The following DLG2 variants were observed in gnomAD, a reference collection of about 807,000 sequenced individuals.
The protein encoded by DLG2 is discs large MAGUK scaffold protein 2.
In DLG2, 45 loss-of-function variants were observed where a neutral mutation model predicts 132.5. The ratio of observed to expected loss-of-function variants is 0.34; its 90% CI spans 0.27 to 0.44. DLG2 has a LOEUF of 0.44. Among genes scored for constraint, DLG2 ranks in the 20% least tolerant of loss-of-function variants. The probability of loss-of-function intolerance (pLI) is 1.00; values close to 1 mark genes in which losing one functional copy is unlikely to be tolerated. For synonymous variants in DLG2, 424 were observed against 419.6 expected (o/e 1.01, Z -0.13); for missense variants, 1,045 against 1,196.9 (o/e 0.87, Z 1.87).
At chr11:85,594,488 C>A (rs1268697234) in intron 3 of DLG2, among the ~76,000 whole-genome samples, 1 of 152,096 alleles carries the variant, frequency 6.6e-6, no homozygotes, top group Admixed American at 6.5e-5. Context: ...TTCCCCCTCA[C>A]ACACTGGGAA....
intron 3 of DLG2, among the ~76,000 whole-genome samples, chr11:85,481,130 G>C (rs1390281098): frequency 6.6e-6 from 1 of 152,026 alleles, no homozygotes; most frequent in African/African-American, 2.4e-5. Flanking sequence ...ATAAACTTCA[G>C]TTTTCTCATT....
intron 15 of DLG2, among the ~76,000 whole-genome samples, chr11:83,917,989 C>A (rs185065087): frequency 6.6e-6 from 1 of 152,066 alleles, no homozygotes; most frequent in African/African-American, 2.4e-5. Flanking sequence ...GTTTGCAAGT[C>A]CCCTTAGTAG....
At chr11:84,807,714 C>A (rs1221515935) in intron 6 of DLG2, among the ~76,000 whole-genome samples, 1 of 151,918 alleles carries the variant, frequency 6.6e-6, no homozygotes, top group Non-Finnish European at 1.5e-5. Context: ...TATTGTAATA[C>A]CAGATAAAGT....
chr11:83,702,578 A>G (rs672079), intron 18 of DLG2, among the ~76,000 whole-genome samples: 150,560 of 152,270 alleles, frequency 0.99, 74,439 homozygotes, highest in East Asian at 1. Context: ...GGTTTGTTTG[A>G]AGGCAGAGGA....
chr11:84,101,884 C>G (rs2092557455), intron 9 of DLG2, among the ~76,000 whole-genome samples: 1 of 152,106 alleles, frequency 6.6e-6, no homozygotes, highest in Non-Finnish European at 1.5e-5. Flanking sequence ...GTACTCAAAA[C>G]TTTGTCCTGT....
At chr11:85,549,082 G>A (rs1200765813) in intron 3 of DLG2, among the ~76,000 whole-genome samples, 2 of 152,108 alleles carry the variant, frequency 1.3e-5, no homozygotes, top group African/African-American at 4.8e-5. Flanking sequence ...CAAAACAGCC[G>A]CCCAGTTTTG....
chr11:85,292,846 AC>A (rs1165157359), intron 3 of DLG2, among the ~76,000 whole-genome samples: 1 of 151,970 alleles, frequency 6.6e-6, no homozygotes, highest in Non-Finnish European at 1.5e-5. Flanking sequence ...ATTAAAAAGA[AC>A]CAAGGCTTTT....
At chr11:85,383,940 T>C (rs2086112732) in intron 3 of DLG2, among the ~76,000 whole-genome samples, 1 of 152,194 alleles carries the variant, frequency 6.6e-6, no homozygotes, top group African/African-American at 2.4e-5. Flanking sequence ...CCTACAGAAA[T>C]ATCTGAACTA....
intron 6 of DLG2, among the ~76,000 whole-genome samples, chr11:84,769,129 T>C (rs1452535521): frequency 6.6e-6 from 1 of 152,076 alleles, no homozygotes; most frequent in Admixed American, 6.6e-5. Flanking sequence ...CCTCCAGCAA[T>C]GATCCCTAAC....
chr11:84,597,642 G>A (rs772092558), intron 6 of DLG2, among the ~76,000 whole-genome samples: 2 of 152,152 alleles, frequency 1.3e-5, no homozygotes, highest in African/African-American at 4.8e-5. Flanking sequence ...AACCATTAAA[G>A]CAGCAGTTAG....
intron 22 of DLG2, among the ~76,000 whole-genome samples, chr11:83,482,610 C>CTGAT (rs1217186468): frequency 1.3e-5 from 2 of 152,000 alleles, no homozygotes; most frequent in Admixed American, 6.6e-5. Context: ...TAATAAATCA[C>CTGAT]TGATAGGCAT....
At chr11:83,595,208 T>G (rs980992969) in intron 19 of DLG2, among the ~76,000 whole-genome samples, 12 of 152,210 alleles carry the variant, frequency 7.9e-5, no homozygotes, top group Admixed American at 6.5e-4. Flanking sequence ...TCCCAGCTCT[T>G]GGGTATTAAA....
chr11:84,991,418 AG>A (rs1335039616), intron 6 of DLG2, among the ~76,000 whole-genome samples: 2 of 149,760 alleles, frequency 1.3e-5, no homozygotes, highest in African/African-American at 4.9e-5. Flanking sequence ...CTGAAGTGGG[AG>A]GATCGATTTA....
intron 10 of DLG2, among the ~76,000 whole-genome samples, chr11:84,087,483 G>C (rs1430020237): frequency 6.6e-6 from 1 of 152,114 alleles, no homozygotes; most frequent in Non-Finnish European, 1.5e-5. Flanking sequence ...ATTTGTGGTA[G>C]GCTGAATAAT....
intron 18 of DLG2, among the ~76,000 whole-genome samples, chr11:83,709,034 A>G (rs1015164643): frequency 3.3e-5 from 5 of 152,114 alleles, no homozygotes; most frequent in Admixed American, 1.3e-4. Context: ...AGCAGAGTCC[A>G]CTGTATGTGG....
At chr11:84,705,318 C>A (rs948863152) in intron 6 of DLG2, among the ~76,000 whole-genome samples, 1 of 151,646 alleles carries the variant, frequency 6.6e-6, no homozygotes, top group Non-Finnish European at 1.5e-5. Context: ...AGCCAGAAGA[C>A]CAGAGCAACA....
intron 20 of DLG2, 30 bp downstream of exon 20, chr11:83,541,652 C>A: frequency 6.5e-7 from 1 of 1,530,370 alleles, no homozygotes; most frequent in South Asian, 1.3e-5. Flanking sequence ...AGCTGACAAG[C>A]AAATATTCTA....
intron 7 of DLG2, among the ~76,000 whole-genome samples, chr11:84,398,803 C>G (rs988212979): frequency 1.3e-5 from 2 of 152,140 alleles, no homozygotes; most frequent in Non-Finnish European, 2.9e-5. Flanking sequence ...GTTGTAACAT[C>G]AGTTGCAGTA....
intron 3 of DLG2, among the ~76,000 whole-genome samples, chr11:85,294,195 A>C (rs994363640): frequency 2.0e-5 from 3 of 152,154 alleles, no homozygotes; most frequent in African/African-American, 7.2e-5. Flanking sequence ...AGTGAAATGT[A>C]AACAATTGGT....
Sources: gnomAD v4.1 joint callset for allele counts (sites outside exome capture counted in the v4.1 genomes callset) on GRCh38, gnomAD v4.1.1 for gene constraint, MANE v1.5 for transcripts, NCBI Gene and HGNC (gene_info 2026-07-23, HGNC 2026-07-21) for gene names.